Variants in PCSK5 observed in about 807,000 individuals in gnomAD.
PCSK5 encodes prohormone convertase 5.
PCSK5 carries 129 observed loss-of-function variants against 233.2 expected under a neutral mutation model. That is an observed-to-expected ratio of 0.55 (90% CI 0.48 to 0.64). The LOEUF (loss-of-function observed/expected upper bound fraction) is 0.64. PCSK5 is among the 30% of genes least tolerant of loss of function. PCSK5 has a pLI of 0.00. For missense variants in PCSK5, 2,076 were observed against 2,430.1 expected, an observed-to-expected ratio of 0.85 and a Z score of 3.06; for synonymous variants, 825 against 879.2, an observed-to-expected ratio of 0.94 and a Z score of 1.09.
At chr9:76,090,175 A>C (rs1432983099) in intron 7 of PCSK5, among the ~76,000 whole-genome samples, 1 of 152,172 alleles carries the variant, frequency 6.6e-6, no homozygotes, top group Non-Finnish European at 1.5e-5. Flanking sequence ...ACACTTTAGG[A>C]AAATATATGC....
chr9:76,358,151 A>G (rs1041058164), intron 37 of PCSK5, among the ~76,000 whole-genome samples: 2 of 152,172 alleles, frequency 1.3e-5, no homozygotes, highest in African/African-American at 4.8e-5. Context: ...TTCATCAGAC[A>G]TAGGCTAGGA....
intron 16 of PCSK5, among the ~76,000 whole-genome samples, chr9:76,184,387 G>GAA (rs11397439): frequency 0.27 from 40,750 of 149,264 alleles, 6,572 homozygotes; most frequent in East Asian, 0.61. Context: ...GGAAGAAGAA[G>GAA]AAAAAAAAAA....
At chr9:76,347,416 G>A (rs1830007315) in intron 35 of PCSK5, among the ~76,000 whole-genome samples, 1 of 152,114 alleles carries the variant, frequency 6.6e-6, no homozygotes, top group African/African-American at 2.4e-5. Context: ...AAGCCTTCTG[G>A]AAATCAACAA....
intron 1 of PCSK5, among the ~76,000 whole-genome samples, chr9:75,906,787 G>T (rs1454964472): frequency 1.3e-5 from 2 of 152,122 alleles, no homozygotes; most frequent in African/African-American, 2.4e-5. Flanking sequence ...TCCTTCTCTG[G>T]GCTTTTAAAG....
chr9:76,053,567 A>G (rs1829712106), intron 5 of PCSK5, among the ~76,000 whole-genome samples: 1 of 152,096 alleles, frequency 6.6e-6, no homozygotes, highest in Admixed American at 6.5e-5. Flanking sequence ...TCACGTTCAA[A>G]TTTCCATAGA....
intron 33 of PCSK5, among the ~76,000 whole-genome samples, chr9:76,331,552 AG>A (rs1829535788): frequency 6.6e-6 from 1 of 152,108 alleles, no homozygotes; most frequent in African/African-American, 2.4e-5. Flanking sequence ...CTGTAGTCCC[AG>A]CTACTCGGGA....
chr9:75,894,015 G>A (rs1825713122), intron 1 of PCSK5, among the ~76,000 whole-genome samples: 1 of 152,114 alleles, frequency 6.6e-6, no homozygotes, highest in East Asian at 1.9e-4. Flanking sequence ...ACATCCTTTT[G>A]TTATTCTTTC....
chr9:75,959,059 A>C (rs1436796160), intron 2 of PCSK5, among the ~76,000 whole-genome samples: 2 of 152,192 alleles, frequency 1.3e-5, no homozygotes, highest in Admixed American at 1.3e-4. Context: ...GGAGAGGGGC[A>C]ATTAATAGGA....
chr9:76,234,715 CATGAA>C (rs1826196134), intron 22 of PCSK5, among the ~76,000 whole-genome samples: 1 of 152,150 alleles, frequency 6.6e-6, no homozygotes, highest in South Asian at 2.1e-4. Flanking sequence ...AATTAAATGA[CATGAA>C]ATGAGATAAA....
chr9:76,094,339 G>T (rs1172137152), intron 7 of PCSK5, among the ~76,000 whole-genome samples: 3 of 152,168 alleles, frequency 2.0e-5, no homozygotes, highest in Non-Finnish European at 4.4e-5. Flanking sequence ...CTGGAAGGAA[G>T]AAAGTCTCTG....
At chr9:76,339,689 C>T (rs778443452) in intron 35 of PCSK5, among the ~76,000 whole-genome samples, 10 of 152,130 alleles carry the variant, frequency 6.6e-5, no homozygotes, top group Non-Finnish European at 1.2e-4. Context: ...GGATTACAGA[C>T]GTGCACCACC....
At chr9:76,175,389 G>T (rs1435315994) in intron 14 of PCSK5, 1 of 518,580 alleles carries the variant, frequency 1.9e-6, no homozygotes, top group African/African-American at 1.9e-5. Flanking sequence ...AAATATTTGT[G>T]TGTGTATATC....
chr9:76,195,261 T>C (rs1824635146), intron 20 of PCSK5: 1 of 152,026 alleles, frequency 6.6e-6, no homozygotes, highest in African/African-American at 2.4e-5. Flanking sequence ...AGCACAAGCC[T>C]AAAGCAAGGT....
rs568754892 is a variant in PCSK5, at chr9:76,338,755, T to C, written c.4966+308T>C. Among the ~76,000 whole-genome samples, 13 of 152,260 alleles carry C rather than the reference T, an allele frequency of 8.5e-5. No homozygotes were observed. In the South Asian group the frequency reaches 2.7e-3, roughly 32 times the overall value. On this transcript the variant is annotated intron_variant, in intron 35 of 37. Coordinates refer to ENST00000674117, the MANE Select transcript of PCSK5 (RefSeq NM_001372043.1). ...TGATGAGTCTGTCTGGGGGAATTTG[T>C]TTATTTTCATTACTCCCACTATTCC... is the stretch of plus-strand genomic sequence containing the variant.
At chr9:76,357,662 T>C (rs986568094) in intron 37 of PCSK5, among the ~76,000 whole-genome samples, 1 of 152,242 alleles carries the variant, frequency 6.6e-6, no homozygotes, top group Non-Finnish European at 1.5e-5. Flanking sequence ...CCTTTTGTCC[T>C]AATGTCTTTA....
At chr9:76,176,325 C>G (rs752241680) in intron 14 of PCSK5, among the ~76,000 whole-genome samples, 1 of 152,144 alleles carries the variant, frequency 6.6e-6, no homozygotes, top group Non-Finnish European at 1.5e-5. Flanking sequence ...CTTATACCAG[C>G]ATCTTTTCTG....
At chr9:75,985,512 A>G (rs534118215) in intron 2 of PCSK5, among the ~76,000 whole-genome samples, 2 of 152,300 alleles carry the variant, frequency 1.3e-5, no homozygotes, top group South Asian at 4.1e-4. Flanking sequence ...CATTAAAAAA[A>G]AAAATGATCC....
At position 76,064,924 on chromosome 9, in the gene PCSK5, T is replaced by C. The variant is rs1440247367; in HGVS notation, c.633-3031T>C. On this transcript the variant is annotated intron_variant, in intron 5 of 37. Coordinates refer to ENST00000674117, the MANE Select transcript of PCSK5 (RefSeq NM_001372043.1). ...CTGGCTTTGAACTCCTGGGCTCAAGTAATCCTCCTGACTTGGCCTCCCAAA... is the reference window on the plus strand; with the variant it reads ...CTGGCTTTGAACTCCTGGGCTCAAGCAATCCTCCTGACTTGGCCTCCCAAA... Among the ~76,000 whole-genome samples the C allele has an allele frequency of 3.9e-5, 6 of 152,396 alleles. No homozygotes were observed. The East Asian group carries it at 7.7e-4, about 20-fold the overall frequency.
intron 20 of PCSK5, among the ~76,000 whole-genome samples, chr9:76,215,595 G>A (rs1417153537): frequency 1.3e-5 from 2 of 152,120 alleles, no homozygotes; most frequent in African/African-American, 4.8e-5. Flanking sequence ...CAAGGGAGAC[G>A]CTGAGGGCCT....
Sources: allele counts gnomAD v4.1 joint callset (sites outside exome capture counted in the v4.1 genomes callset), GRCh38; gene constraint gnomAD v4.1.1; transcripts MANE v1.5; gene names NCBI Gene and HGNC (gene_info 2026-07-23, HGNC 2026-07-21).